Variants in CHST11 observed in about 807,000 individuals in gnomAD.
CHST11 encodes C4S-1.
Under a neutral mutation model 30.4 loss-of-function variants are expected in CHST11, and 9 were observed. The observed-to-expected ratio is 0.30, with a 90% CI of 0.18 to 0.52. CHST11 has a LOEUF of 0.52. Ranked by LOEUF, CHST11 falls within the 20% of genes least tolerant of loss-of-function variation. The probability of loss-of-function intolerance (pLI) is 0.97; values close to 1 mark genes in which losing one functional copy is unlikely to be tolerated. For missense variants in CHST11, 348 were observed against 460.6 expected (o/e 0.76, Z 2.24); for synonymous variants, 152 against 187.8 (o/e 0.81, Z 1.56).
Position 104,723,010 on chromosome 12 carries a change from C to T in CHST11, c.205-33939C>T, listed in dbSNP as rs115509374. On this transcript the variant is annotated intron_variant, in intron 2 of 2. Coordinates refer to ENST00000303694, the MANE Select transcript of CHST11 (RefSeq NM_018413.6). The stretch of plus-strand genomic sequence containing the variant: ...TCAGTTCTCAGGGGGGTGGTGCTGG[C>T]GTGCCCTGTCAGACCCACTTACCCC... Among the ~76,000 whole-genome samples, 314 of 152,136 alleles carry T rather than the reference C, an allele frequency of 2.1e-3. 2 individuals are homozygous for T. Among genetic ancestry groups the T allele is most frequent in the African/African-American group, 6.9e-3 (286 of 41,466 alleles).
At chr12:104,685,824 C>G (rs2039841470) in intron 2 of CHST11, among the ~76,000 whole-genome samples, 1 of 152,172 alleles carries the variant, frequency 6.6e-6, no homozygotes, top group South Asian at 2.1e-4. Context: ...CTGCCTATTC[C>G]CTTGCTGAGA....
At chr12:104,654,207 G>T (rs1347168935) in intron 2 of CHST11, among the ~76,000 whole-genome samples, 1 of 152,168 alleles carries the variant, frequency 6.6e-6, no homozygotes, top group Non-Finnish European at 1.5e-5. Flanking sequence ...GAGCTCCAAG[G>T]CTACCTGCAG....
Position 104,729,848 on chromosome 12 carries a change from C to T in CHST11, c.205-27101C>T, listed in dbSNP as rs1049838176. On this transcript the variant is annotated intron_variant, in intron 2 of 2. Transcript: ENST00000303694. The surrounding 1 kb of genome is among the most constrained non-coding windows in gnomAD (Gnocchi z 4.0). The stretch of plus-strand genomic sequence containing the variant: ...GCACAGGCCATCTGGATGGGGGAGC[C>T]CCTGGTGAGCAAGGTCCACCAGGTG... 1.3e-5 allele frequency among the ~76,000 whole-genome samples: 2 copies of T among 152,116 alleles called. No individual in the cohort carries two copies. Among genetic ancestry groups the T allele is most frequent in the African/African-American group, 2.4e-5 (1 of 41,398 alleles).
intron 2 of CHST11, among the ~76,000 whole-genome samples, chr12:104,719,399 A>G (rs1037423571): frequency 4.6e-5 from 7 of 152,104 alleles, no homozygotes; most frequent in Non-Finnish European, 1.0e-4. Context: ...CTGAGATCCG[A>G]AGTTCTGGAA....
At position 104,621,530 on chromosome 12, in the gene CHST11, A is replaced by T. The variant is rs188747985; in HGVS notation, c.204+19539A>T. On this transcript the variant is annotated intron_variant, in intron 2 of 2. Coordinates refer to ENST00000303694, the MANE Select transcript of CHST11 (RefSeq NM_018413.6). ...TAAGATGGAGAGATTATCCTGGATT[A>T]TCCGGATGGGTCCAGTATAATCATC... Among the ~76,000 whole-genome samples, 3 of 152,372 alleles carry T rather than the reference A, an allele frequency of 2.0e-5. No homozygotes were observed. In the East Asian group the frequency reaches 5.8e-4, roughly 29 times the overall value.
At chr12:104,602,272 A>C (rs1007667416) in intron 2 of CHST11, 1 of 480,588 alleles carries the variant, frequency 2.1e-6, no homozygotes, top group Non-Finnish European at 3.7e-6. Flanking sequence ...AGTTCGAGCA[A>C]TGGGACTCGG....
chr12:104,474,518 C>T (rs547382639), intron 1 of CHST11, among the ~76,000 whole-genome samples: 1 of 152,226 alleles, frequency 6.6e-6, no homozygotes, highest in East Asian at 1.9e-4. Flanking sequence ...GTTTCCTGTG[C>T]CTGTAAAAGC....
chr12:104,678,352 C>G (rs186458039), intron 2 of CHST11, among the ~76,000 whole-genome samples: 29 of 152,340 alleles, frequency 1.9e-4, no homozygotes, highest in Middle Eastern at 3.4e-3. Flanking sequence ...TCTAGGGGAA[C>G]AGGGACATTG....
In CHST11 at chr12:104,636,029, A is replaced by G. The variant is rs191971025; in HGVS notation, c.204+34038A>G. On this transcript the variant is annotated intron_variant, in intron 2 of 2. Coordinates refer to ENST00000303694, the MANE Select transcript of CHST11 (RefSeq NM_018413.6). ...AATTAACATTTACAGAGTGTATATT[A>G]TGTACTATAAGCTTGCCATGAGGTT... Among the ~76,000 whole-genome samples the G allele has an allele frequency of 2.3e-3, 353 of 152,286 alleles. 2 individuals carry two copies. Among genetic ancestry groups the G allele is most frequent in the Admixed American group, 3.4e-3 (52 of 15,296 alleles).
chr12:104,564,458 C>T (rs1331420047), intron 1 of CHST11, among the ~76,000 whole-genome samples: 1 of 152,256 alleles, frequency 6.6e-6, no homozygotes, highest in South Asian at 2.1e-4. Context: ...GTGTCCACCT[C>T]ATGGTGCTCT....
At chr12:104,468,173 A>G (rs1179584359) in intron 1 of CHST11, among the ~76,000 whole-genome samples, 4 of 151,742 alleles carry the variant, frequency 2.6e-5, no homozygotes, top group African/African-American at 9.7e-5. Flanking sequence ...TGGTGGGGGG[A>G]TTGAAATTTT....
chr12:104,756,532 GGT>G lies in CHST11; in HGVS notation c.205-388_205-387del, dbSNP rs113577198. Among the ~76,000 whole-genome samples, 572 of 143,320 alleles carry G rather than the reference GGT, an allele frequency of 4.0e-3. 4 individuals carry two copies. The highest frequency in any genetic ancestry group is 0.013 in the African/African-American group (516 of 38,346). The allele number at this position is 143,320 out of a possible 152,430, so 94.0% of individuals were successfully genotyped here. A position where few individuals can be genotyped will look rare whatever the true frequency, so the allele number is the denominator to read the frequency against. ...CATCATGAGGTCTGGATCCATGTGGGGTGTGTGTGTGTGTGTGTGTGTGTGTG... is the reference window on the plus strand; with the variant it reads ...CATCATGAGGTCTGGATCCATGTGGGGTGTGTGTGTGTGTGTGTGTGTGTG... On this transcript the variant is annotated intron_variant, in intron 2 of 2. Coordinates refer to ENST00000303694, the MANE Select transcript of CHST11 (RefSeq NM_018413.6).
intron 1 of CHST11, among the ~76,000 whole-genome samples, chr12:104,506,423 A>G (rs1294469497): frequency 6.6e-6 from 1 of 152,210 alleles, no homozygotes; most frequent in African/African-American, 2.4e-5. Context: ...CAGAGGTGAG[A>G]TGATGCATGT....
intron 1 of CHST11, among the ~76,000 whole-genome samples, chr12:104,570,691 C>T (rs577187261): frequency 3.9e-5 from 5 of 128,830 alleles, no homozygotes; most frequent in African/African-American, 1.4e-4. Context: ...TAAGCCACTG[C>T]ACTTTTTTTT....
chr12:104,682,772 T>C (rs1046808448), intron 2 of CHST11, among the ~76,000 whole-genome samples: 4 of 152,274 alleles, frequency 2.6e-5, no homozygotes, highest in Non-Finnish European at 5.9e-5. Context: ...TTCTGCCCCA[T>C]GGCAACCGAT....
At chr12:104,714,038 C>G (rs966936500) in intron 2 of CHST11, among the ~76,000 whole-genome samples, 3 of 152,130 alleles carry the variant, frequency 2.0e-5, no homozygotes, top group African/African-American at 7.2e-5. Context: ...GTAAGGCTAC[C>G]CCCTGCCTCC....
At chr12:104,746,342 A>C (rs1251596465) in intron 2 of CHST11, among the ~76,000 whole-genome samples, 1 of 152,254 alleles carries the variant, frequency 6.6e-6, no homozygotes, top group Non-Finnish European at 1.5e-5. Flanking sequence ...CACTAGGGTG[A>C]AACAACCCTT....
chr12:104,573,558 C>T (rs1046846168), intron 1 of CHST11, among the ~76,000 whole-genome samples: 10 of 152,126 alleles, frequency 6.6e-5, no homozygotes, highest in African/African-American at 2.4e-4. Context: ...TAATGCCATA[C>T]ATCTACAACT....
intron 2 of CHST11, among the ~76,000 whole-genome samples, chr12:104,648,800 C>T (rs910719010): frequency 1.3e-5 from 2 of 151,792 alleles, no homozygotes; most frequent in African/African-American, 2.4e-5. Flanking sequence ...GACAACAGAG[C>T]GAGACTCTCA....
Sources: allele counts gnomAD v4.1 joint callset (sites outside exome capture counted in the v4.1 genomes callset), GRCh38; gene constraint gnomAD v4.1.1; non-coding constraint Gnocchi (gnomAD v3.1); transcripts MANE v1.5; gene names NCBI Gene and HGNC (gene_info 2026-07-23, HGNC 2026-07-21).